TSPAN5: variants seen among roughly 807,000 people sequenced by gnomAD.
TSPAN5 encodes the protein tetraspanin 5.
TSPAN5 carries 10 observed loss-of-function variants against 37.1 expected under a neutral mutation model. The ratio of observed to expected loss-of-function variants is 0.27; its 90% confidence interval spans 0.17 to 0.46. The LOEUF (loss-of-function observed/expected upper bound fraction) is 0.46, where lower values mean the gene tolerates loss of function less well. Among genes scored for constraint, TSPAN5 ranks in the 20% least tolerant of loss-of-function variants. TSPAN5 has a pLI of 1.00. For missense variants in TSPAN5, 195 were observed against 326.6 expected (o/e 0.60, Z 3.11); for synonymous variants, 110 against 118.9 (o/e 0.93, Z 0.48).
intron 1 of TSPAN5, among the ~76,000 whole-genome samples, chr4:98,618,731 G>A (rs1041873707): frequency 3.3e-5 from 5 of 152,314 alleles, no homozygotes; most frequent in East Asian, 3.9e-4. Flanking sequence ...TCTTCAGTGT[G>A]TAGGAGCAAA....
At chr4:98,652,629 C>T (rs1757214301) in intron 1 of TSPAN5, among the ~76,000 whole-genome samples, 1 of 152,218 alleles carries the variant, frequency 6.6e-6, no homozygotes, top group African/African-American at 2.4e-5. Context: ...TTGACATGCT[C>T]TTCAACACCT....
At chr4:98,557,375 G>A (rs1368951806) in intron 1 of TSPAN5, among the ~76,000 whole-genome samples, 1 of 152,162 alleles carries the variant, frequency 6.6e-6, no homozygotes, top group Non-Finnish European at 1.5e-5. Flanking sequence ...AACACACTCG[G>A]GGAGGAATAC....
At chr4:98,514,826 T>C (rs1753692744) in intron 1 of TSPAN5, among the ~76,000 whole-genome samples, 1 of 152,140 alleles carries the variant, frequency 6.6e-6, no homozygotes, top group Non-Finnish European at 1.5e-5. Context: ...ACAAAGTGAC[T>C]GGTCTTGTGG....
At chr4:98,627,990 C>T (rs994133054) in intron 1 of TSPAN5, among the ~76,000 whole-genome samples, 1 of 152,162 alleles carries the variant, frequency 6.6e-6, no homozygotes, top group Admixed American at 6.5e-5. Context: ...AAGGACTGAA[C>T]ACTCATCCAA....
intron 1 of TSPAN5, among the ~76,000 whole-genome samples, chr4:98,630,916 TACTC>T (rs901132402): frequency 7.2e-5 from 11 of 152,172 alleles, no homozygotes; most frequent in African/African-American, 2.7e-4. Context: ...GGAATCAACT[TACTC>T]ATAAATCTCA....
chr4:98,535,707 A>C (rs1489301467), intron 1 of TSPAN5, among the ~76,000 whole-genome samples: 1 of 152,166 alleles, frequency 6.6e-6, no homozygotes, highest in South Asian at 2.1e-4. Context: ...ATAGTCCCAT[A>C]TTTGTTGGAG....
intron 1 of TSPAN5, among the ~76,000 whole-genome samples, chr4:98,616,327 C>T (rs1223597192): frequency 1.3e-5 from 2 of 152,034 alleles, no homozygotes; most frequent in African/African-American, 2.4e-5. Flanking sequence ...AGAAACAGCC[C>T]ATGTTTACAC....
At chr4:98,518,936 C>T (rs888884683) in intron 1 of TSPAN5, among the ~76,000 whole-genome samples, 1 of 152,226 alleles carries the variant, frequency 6.6e-6, no homozygotes, top group Non-Finnish European at 1.5e-5. Context: ...ACCAGCAAGC[C>T]ATGGGAAGCC....
At chr4:98,491,857 T>C (rs1252947598) in intron 2 of TSPAN5, among the ~76,000 whole-genome samples, 1 of 151,164 alleles carries the variant, frequency 6.6e-6, no homozygotes, top group African/African-American at 2.5e-5. Context: ...AGTGCTAGTA[T>C]ATGCCTGCTG....
intron 1 of TSPAN5, among the ~76,000 whole-genome samples, chr4:98,562,066 C>A (rs886385460): frequency 6.6e-6 from 1 of 152,240 alleles, no homozygotes; most frequent in Middle Eastern, 3.4e-3. Flanking sequence ...GTCTCCAGTG[C>A]CTAGAACAGG....
intron 2 of TSPAN5, among the ~76,000 whole-genome samples, chr4:98,495,380 T>G (rs552287220): frequency 1.2e-4 from 18 of 151,868 alleles, no homozygotes; most frequent in Non-Finnish European, 2.5e-4. Context: ...ATACAAAAAA[T>G]TAGCCAGGTG....
chr4:98,579,386 C>T (rs1333347354), intron 1 of TSPAN5, among the ~76,000 whole-genome samples: 1 of 152,148 alleles, frequency 6.6e-6, no homozygotes, highest in Non-Finnish European at 1.5e-5. Context: ...GAGCCCTGTA[C>T]TATTCTTTTA....
intron 1 of TSPAN5, among the ~76,000 whole-genome samples, chr4:98,583,252 T>G (rs1278766922): frequency 6.6e-6 from 1 of 152,234 alleles, no homozygotes; most frequent in Non-Finnish European, 1.5e-5. Flanking sequence ...TTAGGCCCAC[T>G]TATTTATTGA....
chr4:98,503,056 G>T (rs1753390534), intron 2 of TSPAN5, among the ~76,000 whole-genome samples: 1 of 152,010 alleles, frequency 6.6e-6, no homozygotes, highest in African/African-American at 2.4e-5. Flanking sequence ...GCGGAATGGG[G>T]AAGATGCTAG....
rs531144888 is a variant in TSPAN5, at chr4:98,611,438, C to T, written c.81+46708G>A. ...TGAAACTATATCCAGGCAGCACACA[C>T]TGGTGGGAAGTACTGCCCCAGAAGG... On this transcript the variant is annotated intron_variant, in intron 1 of 7. Transcript: ENST00000305798. Among the ~76,000 whole-genome samples, 54 of 152,306 alleles carry T rather than the reference C, an allele frequency of 3.5e-4. 1 individual carries two copies. The highest frequency in any genetic ancestry group is 2.1e-3 in the South Asian group (10 of 4,826).
intron 1 of TSPAN5, among the ~76,000 whole-genome samples, chr4:98,643,232 C>A (rs1242956785): frequency 6.6e-6 from 1 of 152,150 alleles, no homozygotes; most frequent in African/African-American, 2.4e-5. Context: ...GTATTCATTA[C>A]CATAACATGC....
chr4:98,494,153 G>T (rs11946397), intron 2 of TSPAN5, among the ~76,000 whole-genome samples: 67,179 of 151,890 alleles, frequency 0.44, 15,082 homozygotes, highest in Admixed American at 0.51. Flanking sequence ...TGCACCCATC[G>T]TGGTACAAGG....
intron 1 of TSPAN5, among the ~76,000 whole-genome samples, chr4:98,607,855 T>G (rs765903790): frequency 6.6e-6 from 1 of 151,820 alleles, no homozygotes; most frequent in Non-Finnish European, 1.5e-5. Context: ...GGATTACAAG[T>G]GCCCGCCACC....
chr4:98,540,198 A>G (rs566861101), intron 1 of TSPAN5, among the ~76,000 whole-genome samples: 1 of 152,344 alleles, frequency 6.6e-6, no homozygotes, highest in African/African-American at 2.4e-5. Context: ...ATAGATTTTC[A>G]AATTCTTTCT....
Sources: allele counts gnomAD v4.1 joint callset (sites outside exome capture counted in the v4.1 genomes callset), GRCh38; gene constraint gnomAD v4.1.1; transcripts MANE v1.5; gene names NCBI Gene and HGNC (gene_info 2026-07-23, HGNC 2026-07-21).